Variants in RAB3GAP1 observed in about 807,000 individuals in gnomAD.
The protein encoded by RAB3GAP1 is rab3 GTPase-activating protein catalytic subunit.
A neutral mutation model predicts 130.7 loss-of-function variants in RAB3GAP1; 86 were observed. The observed-to-expected ratio is 0.66, with a 90% confidence interval of 0.55 to 0.79. The LOEUF is 0.79. RAB3GAP1 is among the 30% of genes least tolerant of loss of function. The pLI is 0.00. For missense variants in RAB3GAP1, 1,029 were observed against 1,169.4 expected (o/e 0.88, Z 1.75); for synonymous variants, 367 against 401.7 (o/e 0.91, Z 1.03).
At chr2:135,130,823 T>C in intron 13 of RAB3GAP1, 102 bp downstream of exon 13, 1 of 1,084,818 alleles carries the variant, frequency 9.2e-7, no homozygotes, top group Non-Finnish European at 1.4e-6. Context: ...GAATATACAA[T>C]GAGTAAAACA....
At chr2:135,153,466 A>T (rs542394291) in intron 18 of RAB3GAP1, among the ~76,000 whole-genome samples, 183 bp from the exon 19 acceptor site, 1 of 151,754 alleles carries the variant, frequency 6.6e-6, no homozygotes, top group East Asian at 1.9e-4. Context: ...CTGAGAAAAT[A>T]AAAATAAAAT....
At chr2:135,092,828 G>A (rs568489533) in intron 4 of RAB3GAP1, among the ~76,000 whole-genome samples, 1 of 152,324 alleles carries the variant, frequency 6.6e-6, no homozygotes, top group Admixed American at 6.5e-5. Context: ...GATTGAGCCT[G>A]TAACTTATGG....
intron 23 of RAB3GAP1, 31 bp downstream of exon 23, chr2:135,164,727 A>C: frequency 6.6e-7 from 1 of 1,524,738 alleles, no homozygotes; most frequent in East Asian, 2.3e-5. Context: ...ACTCCATCAT[A>C]ATCTCTCCAA....
intron 3 of RAB3GAP1, among the ~76,000 whole-genome samples, chr2:135,089,378 T>C (rs180964247): frequency 6.6e-6 from 1 of 151,426 alleles, no homozygotes; most frequent in East Asian, 1.9e-4. Context: ...ATATTGGCGC[T>C]TTTTTGGTTC....
chr2:135,136,550 G>A, intron 17 of RAB3GAP1: 1 of 212,912 alleles, frequency 4.7e-6, no homozygotes, highest in Non-Finnish European at 9.2e-6. Context: ...TGAAGTTTAA[G>A]TAGATCACGT....
chr2:135,066,591 T>C (rs1487580018), intron 3 of RAB3GAP1, among the ~76,000 whole-genome samples: 1 of 152,214 alleles, frequency 6.6e-6, no homozygotes, highest in African/African-American at 2.4e-5. Context: ...TACTCTGTCC[T>C]TTTTGGTTTC....
chr2:135,139,505 C>T (rs1221532486), intron 17 of RAB3GAP1, among the ~76,000 whole-genome samples: 1 of 151,164 alleles, frequency 6.6e-6, no homozygotes, highest in Non-Finnish European at 1.5e-5. Context: ...TGCACCATTG[C>T]ACTCCAGCCT....
At position 135,169,036 on chromosome 2, in the gene RAB3GAP1, T is replaced by TG. The variant is rs143703110; in HGVS notation, c.*261dup. The TG allele has an allele frequency of 0.11, 12,768 of 111,194 alleles. 1,477 individuals are homozygous for TG. The highest frequency in any genetic ancestry group is 0.44 in the African/African-American group (10,139 of 23,104). The allele number at this position is 111,194 out of a possible 1,614,324, so 6.9% of individuals were successfully genotyped here. A position where few individuals can be genotyped will look rare whatever the true frequency, so the allele number is the denominator to read the frequency against. On this transcript the variant is annotated 3_prime_UTR_variant, in exon 24 of 24. Coordinates refer to ENST00000264158, the MANE Select transcript of RAB3GAP1 (RefSeq NM_012233.3). ...ATGGCCTTTGTATATGGGGGGGTGG[T>TG]GGGGGGACACAAACACATCAGACAC...
rs922480548 is a variant in RAB3GAP1, at chr2:135,133,074, ATTTT to A, written c.1326+92_1326+95del. Reference sequence around the variant, plus strand: ...TATTTCTAGTTTAATAGCTTACTATATTTTTATTTTAAAAATCACCTTGGGAATT... The same window carrying A: ...TATTTCTAGTTTAATAGCTTACTATATATTTTAAAAATCACCTTGGGAATT... On this transcript the variant is annotated intron_variant, in intron 14 of 23. Transcript: ENST00000264158. 4.0e-5 allele frequency: 33 copies of A among 826,566 alleles called. No homozygotes were observed. In the African/African-American group the frequency reaches 4.5e-4, roughly 11 times the overall value. 51.2% of individuals were successfully genotyped at this position (826,566 alleles called of 1,614,324 possible).
intron 2 of RAB3GAP1, among the ~76,000 whole-genome samples, chr2:135,055,723 A>G (rs1051901414): frequency 2.6e-5 from 4 of 152,070 alleles, no homozygotes; most frequent in African/African-American, 4.8e-5. Context: ...TGTAAAAACT[A>G]TATTTTAAAT....
rs548697653 is a variant in RAB3GAP1 at position 135,106,236 on chromosome 2, C to T, written c.363-6915C>T. Among the ~76,000 whole-genome samples the T allele has an allele frequency of 2.2e-4, 33 of 152,298 alleles. 1 individual carries two copies. The highest frequency in any genetic ancestry group is 1.5e-3 in the East Asian group (8 of 5,178). On this transcript the variant is annotated intron_variant, in intron 5 of 23. Coordinates refer to ENST00000264158, the MANE Select transcript of RAB3GAP1 (RefSeq NM_012233.3). The stretch of plus-strand genomic sequence containing the variant: ...GAAGTGAGGAGCCCCTCTGCCTGGC[C>T]GCCACCCCGTCTGGGAGGTGTACCC...
At chr2:135,093,447 TGA>T (rs1252840511) in intron 4 of RAB3GAP1, among the ~76,000 whole-genome samples, 166 bp from the exon 5 acceptor site, 3 of 151,978 alleles carry the variant, frequency 2.0e-5, no homozygotes, top group Non-Finnish European at 4.4e-5. Flanking sequence ...GAAAAAAAAA[TGA>T]GAGAGAAATC....
intron 3 of RAB3GAP1, among the ~76,000 whole-genome samples, chr2:135,060,422 G>T (rs1013033124): frequency 6.6e-6 from 1 of 151,614 alleles, no homozygotes; most frequent in African/African-American, 2.4e-5. Context: ...ACCACACCTG[G>T]CTAATTTTTT....
chr2:135,109,123 T>C (rs925239813), intron 5 of RAB3GAP1, among the ~76,000 whole-genome samples: 6 of 151,292 alleles, frequency 4.0e-5, no homozygotes, highest in South Asian at 2.1e-4. Flanking sequence ...TCTCCAACTT[T>C]CTTCTTCTTC....
intron 7 of RAB3GAP1, among the ~76,000 whole-genome samples, chr2:135,117,536 T>C (rs1691026805): frequency 1.3e-5 from 2 of 151,562 alleles, no homozygotes; most frequent in South Asian, 2.1e-4. Flanking sequence ...CTTCTGCTTC[T>C]TCTTCTGCTT....
rs561446639 is a variant in RAB3GAP1 at position 135,076,167 on chromosome 2, G to A, written c.151-14831G>A. Among the ~76,000 whole-genome samples, 6 of 151,890 alleles carry A rather than the reference G, an allele frequency of 4.0e-5. No individual in the cohort carries two copies. The South Asian group carries it at 8.3e-4, about 21-fold the overall frequency. Reference sequence around the variant, plus strand: ...CTGCTGATCACCCGCCTCAGCCTCCGAAAGTGCTGGGATTACAGGCGTGAG... The same window carrying A: ...CTGCTGATCACCCGCCTCAGCCTCCAAAAGTGCTGGGATTACAGGCGTGAG... On this transcript the variant is annotated intron_variant, in intron 3 of 23. Coordinates refer to ENST00000264158, the MANE Select transcript of RAB3GAP1 (RefSeq NM_012233.3).
chr2:135,080,471 G>A, intron 3 of RAB3GAP1, among the ~76,000 whole-genome samples: 1 of 152,162 alleles, frequency 6.6e-6, no homozygotes, highest in Non-Finnish European at 1.5e-5. Flanking sequence ...TCAGAAAGGA[G>A]TATAGATTTT....
At chr2:135,094,796 C>T (rs1690245026) in intron 5 of RAB3GAP1, among the ~76,000 whole-genome samples, 1 of 152,186 alleles carries the variant, frequency 6.6e-6, no homozygotes, top group South Asian at 2.1e-4. Context: ...TGAAAACGTG[C>T]AATACTTGTC....
intron 19 of RAB3GAP1, among the ~76,000 whole-genome samples, chr2:135,157,726 A>G (rs1692350290): frequency 6.6e-6 from 1 of 151,246 alleles, no homozygotes; most frequent in Admixed American, 6.6e-5. Context: ...CAGCTACTCA[A>G]GAGGCTGAGG....
Sources: gnomAD v4.1 joint callset for allele counts (sites outside exome capture counted in the v4.1 genomes callset) on GRCh38, gnomAD v4.1.1 for gene constraint, MANE v1.5 for transcripts, NCBI Gene and HGNC (gene_info 2026-07-23, HGNC 2026-07-21) for gene names.